ZNF41: variants seen among roughly 807,000 people sequenced by gnomAD.
ZNF41 encodes zinc finger protein 41.
A neutral mutation model predicts 9.3 loss-of-function variants in ZNF41; 6 were observed. That is an observed-to-expected ratio of 0.65 (90% CI 0.35 to 1.28). The LOEUF (loss-of-function observed/expected upper bound fraction) is 1.28, where lower values mean the gene tolerates loss of function less well. Among genes scored for constraint, ZNF41 ranks in the 50% most tolerant of loss-of-function variants. The pLI is 0.03. For synonymous variants in ZNF41, 192 were observed against 207.1 expected (o/e 0.93, Z 0.63); for missense variants, 523 against 585.8 (o/e 0.89, Z 1.11).
chrX:47,452,216 T>C (rs2056395543), intron 4 of ZNF41, among the ~76,000 whole-genome samples: 1 of 110,830 alleles, frequency 9.0e-6, no homozygotes, highest in Non-Finnish European at 1.9e-5. Flanking sequence ...CGCGGTCTTC[T>C]CTAGAGCTCG....
At chrX:47,454,681 T>C (rs746472218) in intron 4 of ZNF41, among the ~76,000 whole-genome samples, 2 of 111,372 alleles carry the variant, frequency 1.8e-5, no homozygotes, top group South Asian at 7.5e-4. Context: ...TATGATGTGG[T>C]GCTGGGGACA....
At chrX:47,452,299 C>T (rs2498488) in intron 4 of ZNF41, among the ~76,000 whole-genome samples, 8,126 of 110,665 alleles carry the variant, frequency 0.073, 336 homozygotes, top group Middle Eastern at 0.15. Context: ...CACCTAGTTC[C>T]TGCAGGCCCC....
chrX:47,449,897 T>A (rs1004390732), intron 4 of ZNF41, among the ~76,000 whole-genome samples: 1 of 111,468 alleles, frequency 9.0e-6, no homozygotes, highest in African/African-American at 3.3e-5. Flanking sequence ...GGATTGTGAG[T>A]AGAGTAACCA....
chrX:47,462,011 A>C (rs995941262), intron 2 of ZNF41, among the ~76,000 whole-genome samples: 2 of 106,878 alleles, frequency 1.9e-5, no homozygotes, highest in Admixed American at 1.0e-4. Context: ...TACAGGCATG[A>C]GCCACAGCAC....
rs925954031 is a variant in ZNF41, at chrX:47,445,308, G to T, written c.*2122C>A. On this transcript the variant is annotated 3_prime_UTR_variant, in exon 5 of 5. Coordinates refer to ENST00000684689, the MANE Select transcript of ZNF41 (RefSeq NM_001324144.2). ...AATAATAAGAGTTGGTAAGGATGTG[G>T]AGAAACCGGAAACCTCATACATTGA... 9.0e-6 allele frequency among the ~76,000 whole-genome samples: 1 copy of T among 111,641 alleles called. No homozygotes were observed. The highest frequency in any genetic ancestry group is 3.3e-5 in the African/African-American group (1 of 30,729).
intron 4 of ZNF41, among the ~76,000 whole-genome samples, chrX:47,455,661 G>A (rs1011494555): frequency 8.9e-5 from 10 of 111,766 alleles, no homozygotes; most frequent in Non-Finnish European, 1.5e-4. Flanking sequence ...AAGACAGGGT[G>A]GTATGTGATA....
intron 1 of ZNF41, among the ~76,000 whole-genome samples, chrX:47,474,926 A>G (rs2057294328): frequency 9.5e-6 from 1 of 105,779 alleles, no homozygotes. Flanking sequence ...CATGCCTGTA[A>G]TCCCAGCACT....
At chrX:47,460,643 TA>T (rs1255086151) in intron 2 of ZNF41, among the ~76,000 whole-genome samples, 1 of 111,643 alleles carries the variant, frequency 9.0e-6, no homozygotes, top group Non-Finnish European at 1.9e-5. Flanking sequence ...TTAATAAACA[TA>T]AAAAAAGGTT....
chrX:47,448,569 G>A lies in ZNF41; in HGVS notation c.1201C>T (p.His401Tyr). The change falls in exon 5 of 5, where the codon CAT becomes TAT. Residue 401 changes from histidine (H) to tyrosine (Y), a missense_variant. Physicochemically the swap from His to Tyr is moderately conservative, Grantham distance 83. Transcript: ENST00000684689. ...TTCTCTCCGGTATGAGTTTTCTGAT[G>A]TATACTGAGGTCTGAGTTCTGGGAG... ...GFSQNSDLSIHQKTHTGEKHY... is the reference protein window; with the variant it reads ...GFSQNSDLSIYQKTHTGEKHY... The A allele has an allele frequency of 8.3e-7, 1 of 1,211,651 alleles. No homozygotes were observed. The highest frequency in any genetic ancestry group is 1.1e-6 in the Non-Finnish European group (1 of 895,484).
Position 47,447,899 on chromosome X carries a change from G to C in ZNF41, c.1871C>G (p.Ala624Gly), listed in dbSNP as rs866998933. The change falls in exon 5 of 5, where the codon GCG becomes GGG. Residue 624 changes from alanine to glycine, a missense_variant. Transcript: ENST00000684689. ...KAFIQKSHFI[A>G]HHRIHTGEKP... ...CTCTCCAGTATGGATTCTATGATGC[G>C]CAATGAAGTGCGATTTCTGGATAAA... 4.1e-6 allele frequency: 5 copies of C among 1,209,575 alleles called. No homozygotes were observed. The highest frequency in any genetic ancestry group is 5.6e-6 in the Non-Finnish European group (5 of 895,181).
chrX:47,448,072 G>A lies in ZNF41; in HGVS notation c.1698C>T (p.Leu566=). The A allele has an allele frequency of 8.3e-7, 1 of 1,211,505 alleles. No homozygotes were observed. The highest frequency in any genetic ancestry group is 1.1e-6 in the Non-Finnish European group (1 of 895,497). ...CAATATGAGATTTCTGATGTATTTT[G>A]AGGCGCGACTTCCATATGAAGGCTT... ...CGKAFIWKSR[L]KIHQKSHIGE... is the part of the protein sequence containing the mutation. Residue 566 remains leucine (L), a synonymous_variant, in exon 5 of 5, where the codon CTC becomes CTT. Coordinates refer to ENST00000684689, the MANE Select transcript of ZNF41 (RefSeq NM_001324144.2).
At chrX:47,472,847 T>C (rs945473872) in intron 1 of ZNF41, among the ~76,000 whole-genome samples, 10 of 109,574 alleles carry the variant, frequency 9.1e-5, no homozygotes, top group Non-Finnish European at 1.9e-5. Flanking sequence ...CTCAGCCTCC[T>C]GAGTAGCTGG....
intron 1 of ZNF41, among the ~76,000 whole-genome samples, chrX:47,474,064 A>G (rs1218245684): frequency 8.9e-6 from 1 of 112,428 alleles, no homozygotes; most frequent in African/African-American, 3.2e-5. Context: ...TAGTAAATCT[A>G]TAATATGGAA....
Position 47,447,880 on chromosome X carries a change from A to G in ZNF41, c.1890T>C (p.Thr630=), listed in dbSNP as rs765671077. 3 of 1,211,599 alleles carry G rather than the reference A, an allele frequency of 2.5e-6. No homozygotes were observed. Among genetic ancestry groups the G allele is most frequent in the Non-Finnish European group, 3.4e-6 (3 of 895,496 alleles). The change falls in exon 5 of 5, where the codon ACT becomes ACC. Residue 630 remains threonine, a synonymous_variant. Coordinates refer to ENST00000684689, the MANE Select transcript of ZNF41 (RefSeq NM_001324144.2). ...CGCTGCATTCATAAGGCTTCTCTCC[A>G]GTATGGATTCTATGATGCGCAATGA... ...SHFIAHHRIH[T]GEKPYECSDC... is the part of the protein sequence containing the mutation.
chrX:47,453,545 C>T (rs1210310977), intron 4 of ZNF41, among the ~76,000 whole-genome samples: 5 of 111,580 alleles, frequency 4.5e-5, no homozygotes, highest in Non-Finnish European at 7.5e-5. Context: ...TATACAGATA[C>T]GAGTTGAACT....
At chrX:47,454,837 C>T (rs1218392347) in intron 4 of ZNF41, among the ~76,000 whole-genome samples, 12 of 111,876 alleles carry the variant, frequency 1.1e-4, no homozygotes, top group Non-Finnish European at 2.3e-4. Flanking sequence ...AATACATACT[C>T]ATAAACCAAT....
rs1174892293 is a variant in ZNF41 at position 47,447,626 on chromosome X, C to T, written c.2144G>A (p.Gly715Glu). 8 of 1,211,502 alleles carry T rather than the reference C, an allele frequency of 6.6e-6. No individual in the cohort carries two copies. Among genetic ancestry groups the T allele is most frequent in the East Asian group, 3.0e-5 (1 of 33,851 alleles). Residue 715 changes from glycine to glutamate, a missense_variant, in exon 5 of 5, where the codon GGA becomes GAA. Gly to Glu is a moderately conservative substitution (Grantham distance 98). Coordinates refer to ENST00000684689, the MANE Select transcript of ZNF41 (RefSeq NM_001324144.2). ...RLNIHQKSHT[G>E]ERHYECSKCG... is the part of the protein sequence containing the mutation. ...TTTACTACATTCATAGTGTCTTTCTCCAGTATGAGACTTCTGATGTATATT... is the reference window on the plus strand; with the variant it reads ...TTTACTACATTCATAGTGTCTTTCTTCAGTATGAGACTTCTGATGTATATT...
chrX:47,461,388 G>A (rs1235884999), intron 2 of ZNF41, among the ~76,000 whole-genome samples: 5 of 107,064 alleles, frequency 4.7e-5, no homozygotes, highest in Admixed American at 1.0e-4. Flanking sequence ...TTGAGCCACC[G>A]CGCCTGGCCA....
chrX:47,471,479 T>C (rs2057193321), intron 1 of ZNF41, among the ~76,000 whole-genome samples: 1 of 109,851 alleles, frequency 9.1e-6, no homozygotes, highest in South Asian at 3.9e-4. Flanking sequence ...GAAAAGACTA[T>C]CCTTTCTCCA....
Sources: allele counts gnomAD v4.1 joint callset (sites outside exome capture counted in the v4.1 genomes callset), GRCh38; gene constraint gnomAD v4.1.1; transcripts MANE v1.5; gene names NCBI Gene and HGNC (gene_info 2026-07-23, HGNC 2026-07-21).